WDR37: variants seen among roughly 807,000 people sequenced by gnomAD.
WDR37 encodes WD repeat-containing protein 37.
Under a neutral mutation model 62.9 loss-of-function variants are expected in WDR37, and 19 were observed. That is an observed-to-expected ratio of 0.30 (90% CI 0.21 to 0.44). The LOEUF is 0.44. WDR37 is among the 20% of genes least tolerant of loss of function. The probability of loss-of-function intolerance (pLI) is 1.00; values close to 1 mark genes in which losing one functional copy is unlikely to be tolerated. For synonymous variants in WDR37, 250 were observed against 260.9 expected, an observed-to-expected ratio of 0.96 and a Z score of 0.40; for missense variants, 474 against 657.6, an observed-to-expected ratio of 0.72 and a Z score of 3.05.
At chr10:1,061,708 G>C (rs1833377183) in intron 1 of WDR37, among the ~76,000 whole-genome samples, 1 of 152,044 alleles carries the variant, frequency 6.6e-6, no homozygotes, top group African/African-American at 2.4e-5. Context: ...GCATGGTGTT[G>C]GGTGCCTGTA....
intron 1 of WDR37, among the ~76,000 whole-genome samples, chr10:1,063,780 G>T (rs1833448459): frequency 1.3e-5 from 2 of 152,182 alleles, no homozygotes; most frequent in Non-Finnish European, 2.9e-5. Context: ...TGGAAGTTCG[G>T]CAGGAGGCTG....
intron 9 of WDR37, among the ~76,000 whole-genome samples, chr10:1,099,103 T>C (rs1834702463): frequency 6.6e-6 from 1 of 152,258 alleles, no homozygotes; most frequent in Non-Finnish European, 1.5e-5. Flanking sequence ...AATGAATTCA[T>C]GTATTTATAC....
At chr10:1,072,594 G>A (rs1311002412) in intron 2 of WDR37, among the ~76,000 whole-genome samples, 5 of 152,156 alleles carry the variant, frequency 3.3e-5, no homozygotes, top group African/African-American at 1.2e-4. Flanking sequence ...GATTACAGGC[G>A]TGAGCCACCG....
At chr10:1,127,562 A>G (rs1322562726) in intron 13 of WDR37, among the ~76,000 whole-genome samples, 2 of 152,224 alleles carry the variant, frequency 1.3e-5, no homozygotes, top group Non-Finnish European at 2.9e-5. Flanking sequence ...GGACTGATTG[A>G]AAATATTTCC....
rs527306372 is a variant in WDR37, at chr10:1,073,791, C to G, written c.138+1498C>G. Among the ~76,000 whole-genome samples the G allele has an allele frequency of 1.5e-3, 221 of 152,332 alleles. 3 individuals carry two copies. Among genetic ancestry groups the G allele is most frequent in the African/African-American group, 5.0e-3 (209 of 41,576 alleles). The stretch of plus-strand genomic sequence containing the variant: ...TGTGTCCTCACAGAGTTGTCCCTCT[C>G]TGCGTGTCTTGTCCTAGTCTCTTCT... On this transcript the variant is annotated intron_variant, in intron 2 of 13. Coordinates refer to ENST00000263150, the MANE Select transcript of WDR37 (RefSeq NM_014023.4).
intron 9 of WDR37, among the ~76,000 whole-genome samples, chr10:1,099,539 G>T (rs1834718691): frequency 6.6e-6 from 1 of 152,180 alleles, no homozygotes. Flanking sequence ...CCTAATAGAG[G>T]TTATCATAGT....
At position 1,126,733 on chromosome 10, in the gene WDR37, G is replaced by A. The variant is rs907414095; in HGVS notation, c.1353+1709G>A. Reference sequence around the variant, plus strand: ...GCAGGCCGGGTGGTCAGGGAGGCACGTGCGAAAGTGGGGGTTCTCTCAGCG... The same window carrying A: ...GCAGGCCGGGTGGTCAGGGAGGCACATGCGAAAGTGGGGGTTCTCTCAGCG... On this transcript the variant is annotated intron_variant, in intron 13 of 13. Transcript: ENST00000263150. Among the ~76,000 whole-genome samples, 8 of 152,338 alleles carry A rather than the reference G, an allele frequency of 5.3e-5. 1 individual carries two copies. The highest frequency in any genetic ancestry group is 4.1e-4 in the South Asian group (2 of 4,822).
intron 13 of WDR37, among the ~76,000 whole-genome samples, chr10:1,125,964 C>T (rs994053461): frequency 6.6e-6 from 1 of 152,214 alleles, no homozygotes; most frequent in Non-Finnish European, 1.5e-5. Context: ...CGCACAGATG[C>T]AGAGGCCCAG....
chr10:1,084,257 A>G (rs1834124226), intron 5 of WDR37, 146 bp from the exon 6 acceptor site: 1 of 1,081,864 alleles, frequency 9.2e-7, no homozygotes, highest in African/African-American at 1.6e-5. Context: ...GTTTCAGCTC[A>G]CACTTGCGCT....
chr10:1,095,112 G>A (rs1834528939), intron 8 of WDR37, among the ~76,000 whole-genome samples: 3 of 148,906 alleles, frequency 2.0e-5, no homozygotes, highest in Admixed American at 2.0e-4. Context: ...GAAACGTGAG[G>A]TAATGGGCAT....
At chr10:1,110,918 C>T (rs531513177) in intron 11 of WDR37, among the ~76,000 whole-genome samples, 15 of 152,374 alleles carry the variant, frequency 9.8e-5, no homozygotes, top group Admixed American at 4.6e-4. Context: ...CCTGCTCATC[C>T]GGGAAGTAGC....
chr10:1,090,410 C>T (rs192395272), intron 7 of WDR37, among the ~76,000 whole-genome samples: 7 of 152,322 alleles, frequency 4.6e-5, no homozygotes, highest in African/African-American at 9.6e-5. Context: ...CCAGCCGCCT[C>T]GGCCTCCCAA....
intron 8 of WDR37, among the ~76,000 whole-genome samples, chr10:1,094,495 A>G (rs995770714): frequency 6.6e-6 from 1 of 152,218 alleles, no homozygotes; most frequent in African/African-American, 2.4e-5. Flanking sequence ...TGGGAGGGTT[A>G]GCCTGAGAGT....
At chr10:1,125,784 C>G (rs1383734757) in intron 13 of WDR37, among the ~76,000 whole-genome samples, 1 of 152,198 alleles carries the variant, frequency 6.6e-6, no homozygotes, top group Non-Finnish European at 1.5e-5. Context: ...GTTTCTATGG[C>G]AGGCTGTTGC....
At chr10:1,071,078 G>A (rs1474778037) in intron 1 of WDR37, among the ~76,000 whole-genome samples, 7 of 152,224 alleles carry the variant, frequency 4.6e-5, no homozygotes, top group South Asian at 2.1e-4. Flanking sequence ...AGATGTTTAC[G>A]TAGTCCTTAT....
chr10:1,088,108 TC>T (rs1235754247), intron 7 of WDR37, among the ~76,000 whole-genome samples: 4 of 152,138 alleles, frequency 2.6e-5, no homozygotes, highest in African/African-American at 9.7e-5. Context: ...CTCACAGCCC[TC>T]AGGGAATTGA....
chr10:1,101,354 C>T (rs138676554), intron 9 of WDR37, among the ~76,000 whole-genome samples: 12 of 152,288 alleles, frequency 7.9e-5, no homozygotes, highest in African/African-American at 2.4e-4. Context: ...TCATAGATGG[C>T]GTCTTCTCCT....
intron 11 of WDR37, among the ~76,000 whole-genome samples, chr10:1,111,643 T>A (rs1406617125): frequency 3.3e-5 from 5 of 152,224 alleles, no homozygotes; most frequent in Non-Finnish European, 1.5e-5. Flanking sequence ...TTCTTTCCAC[T>A]CTGTGTTGTG....
chr10:1,124,680 G>T (rs867937019), intron 12 of WDR37, among the ~76,000 whole-genome samples: 2 of 148,238 alleles, frequency 1.3e-5, no homozygotes, highest in Admixed American at 6.7e-5. Flanking sequence ...GTGTGTGTGT[G>T]TGTGTGTGTG....
Sources: allele counts gnomAD v4.1 joint callset (sites outside exome capture counted in the v4.1 genomes callset), GRCh38; gene constraint gnomAD v4.1.1; transcripts MANE v1.5; gene names NCBI Gene and HGNC (gene_info 2026-07-23, HGNC 2026-07-21).